The following PDLIM5 variants were observed in gnomAD, a reference collection of about 807,000 sequenced individuals.
PDLIM5 encodes PDZ and LIM domain protein 5.
PDLIM5 carries 34 observed loss-of-function variants against 64.2 expected under a neutral mutation model. The observed-to-expected ratio is 0.53, with a 90% confidence interval of 0.40 to 0.71. The LOEUF (loss-of-function observed/expected upper bound fraction) is 0.71. Among genes scored for constraint, PDLIM5 ranks in the 30% least tolerant of loss-of-function variants. The pLI, the probability that PDLIM5 is intolerant of heterozygous loss-of-function variation, is 0.00. For synonymous variants in PDLIM5, 253 were observed against 269.1 expected (o/e 0.94, Z 0.59); for missense variants, 683 against 733.6 (o/e 0.93, Z 0.80).
chr4:94,549,780 C>T (rs568601374), intron 3 of PDLIM5: 1 of 152,044 alleles, frequency 6.6e-6, no homozygotes, highest in Non-Finnish European at 1.5e-5. Context: ...GCTCTACTGG[C>T]TTATTACCAG....
intron 1 of PDLIM5, among the ~76,000 whole-genome samples, chr4:94,452,686 G>C (rs1300709085): frequency 6.6e-6 from 1 of 152,166 alleles, no homozygotes; most frequent in Non-Finnish European, 1.5e-5. Context: ...AAAAGGAAGG[G>C]CGTGTGGACA....
At chr4:94,644,730 A>G (rs1344643382) in intron 9 of PDLIM5, among the ~76,000 whole-genome samples, 1 of 151,958 alleles carries the variant, frequency 6.6e-6, no homozygotes, top group African/African-American at 2.4e-5. Context: ...TTTAGTACAG[A>G]TGGGATTTCA....
chr4:94,504,443 C>T (rs545191269), intron 2 of PDLIM5, among the ~76,000 whole-genome samples: 42 of 152,104 alleles, frequency 2.8e-4, no homozygotes, highest in Non-Finnish European at 3.5e-4. Context: ...TGCGCCACCA[C>T]GCCTGGCTAA....
At chr4:94,623,873 C>T (rs552783709) in intron 8 of PDLIM5, among the ~76,000 whole-genome samples, 1 of 152,192 alleles carries the variant, frequency 6.6e-6, no homozygotes, top group Non-Finnish European at 1.5e-5. Flanking sequence ...GAGAAGGGAG[C>T]TCCACTCTTC....
At chr4:94,651,125 G>A (rs1227367180) in intron 9 of PDLIM5, among the ~76,000 whole-genome samples, 1 of 152,250 alleles carries the variant, frequency 6.6e-6, no homozygotes, top group South Asian at 2.1e-4. Flanking sequence ...ATTAGTCTTT[G>A]CTGACACAGA....
intron 7 of PDLIM5, 80 bp from the exon 8 acceptor site, chr4:94,617,924 A>G (rs1455336520): frequency 2.8e-6 from 2 of 726,242 alleles, no homozygotes; most frequent in African/African-American, 1.8e-5. Flanking sequence ...TGATTGATTA[A>G]TGGATTTTGA....
At chr4:94,608,406 T>G (rs577555505) in intron 7 of PDLIM5, among the ~76,000 whole-genome samples, 18 of 152,342 alleles carry the variant, frequency 1.2e-4, no homozygotes, top group African/African-American at 4.3e-4. Context: ...ATCTCTTTCA[T>G]TTATTCACTT....
intron 2 of PDLIM5, among the ~76,000 whole-genome samples, chr4:94,498,767 T>G (rs1433329055): frequency 1.3e-5 from 2 of 152,230 alleles, no homozygotes; most frequent in Non-Finnish European, 2.9e-5. Context: ...TTGAGGGTTT[T>G]TCTCCTCCTC....
intron 3 of PDLIM5, among the ~76,000 whole-genome samples, chr4:94,568,888 CT>C (rs1197745139): frequency 1.3e-5 from 2 of 152,142 alleles, no homozygotes; most frequent in Non-Finnish European, 2.9e-5. Context: ...TGTTGGAATA[CT>C]TTAGAAGATT....
intron 3 of PDLIM5, among the ~76,000 whole-genome samples, chr4:94,567,851 A>G (rs759191666): frequency 1.3e-5 from 2 of 152,158 alleles, no homozygotes; most frequent in Non-Finnish European, 2.9e-5. Flanking sequence ...ACCAAACTTC[A>G]GTATCAGTGC....
chr4:94,478,926 G>T (rs1378545716), intron 2 of PDLIM5, among the ~76,000 whole-genome samples: 3 of 128,240 alleles, frequency 2.3e-5, no homozygotes, highest in African/African-American at 3.7e-5. Flanking sequence ...TTAAGACAGG[G>T]TCTTGCTGTG....
intron 7 of PDLIM5, among the ~76,000 whole-genome samples, chr4:94,596,375 C>T (rs1009816669): frequency 2.0e-5 from 3 of 152,068 alleles, no homozygotes; most frequent in South Asian, 2.1e-4. Context: ...TTTGTCAGAC[C>T]GGTAGTCCTT....
Position 94,664,625 on chromosome 4 carries a change from T to C in PDLIM5, c.*558T>C. 1 of 435,514 alleles carries C rather than the reference T, an allele frequency of 2.3e-6. No homozygotes were observed. The highest frequency in any genetic ancestry group is 3.1e-6 in the Non-Finnish European group (1 of 327,662). 27.0% of individuals were successfully genotyped at this position (435,514 alleles called of 1,614,324 possible). On this transcript the variant is annotated 3_prime_UTR_variant, in exon 13 of 13. Coordinates refer to ENST00000317968, the MANE Select transcript of PDLIM5 (RefSeq NM_006457.5). ...TGGCTCACGCCTGTAATCCCAGCAC[T>C]TTGGGAGGCCAAGGTGGGTGGACCA...
chr4:94,460,348 C>T (rs1335021049), intron 2 of PDLIM5, among the ~76,000 whole-genome samples: 2 of 151,986 alleles, frequency 1.3e-5, no homozygotes, highest in Non-Finnish European at 2.9e-5. Flanking sequence ...GAAAAAAACG[C>T]ACTTATTTGA....
intron 2 of PDLIM5, among the ~76,000 whole-genome samples, chr4:94,469,960 ATTTT>A (rs34572366): frequency 2.8e-5 from 2 of 71,564 alleles, no homozygotes; most frequent in Non-Finnish European, 2.4e-5. Context: ...CATTCTTTTA[ATTTT>A]TTTTTTTTTT....
chr4:94,620,208 T>C (rs1193839800), intron 8 of PDLIM5, among the ~76,000 whole-genome samples: 6 of 152,156 alleles, frequency 3.9e-5, no homozygotes, highest in South Asian at 2.1e-4. Context: ...TAGTCGTTCT[T>C]CATCAGTTTT....
intron 2 of PDLIM5, among the ~76,000 whole-genome samples, chr4:94,476,009 A>G (rs776725905): frequency 6.6e-6 from 1 of 152,134 alleles, no homozygotes; most frequent in Admixed American, 6.5e-5. Flanking sequence ...AATATTTGCT[A>G]TATATTGCTC....
At chr4:94,519,627 G>A (rs891789719) in intron 2 of PDLIM5, among the ~76,000 whole-genome samples, 1 of 152,134 alleles carries the variant, frequency 6.6e-6, no homozygotes, top group African/African-American at 2.4e-5. Context: ...CAAAACAGAG[G>A]AATGATGAAG....
chr4:94,578,436 G>T (rs1009657953), intron 5 of PDLIM5, among the ~76,000 whole-genome samples: 2 of 152,142 alleles, frequency 1.3e-5, no homozygotes, highest in African/African-American at 4.8e-5. Context: ...GCAAGTTACT[G>T]CTTTGCATTT....
Sources: gnomAD v4.1 joint callset for allele counts (sites outside exome capture counted in the v4.1 genomes callset) on GRCh38, gnomAD v4.1.1 for gene constraint, MANE v1.5 for transcripts, NCBI Gene and HGNC (gene_info 2026-07-23, HGNC 2026-07-21) for gene names.